The following CALCR variants were observed in gnomAD, a reference collection of about 807,000 sequenced individuals.
The protein encoded by CALCR is calcitonin receptor.
Under a neutral mutation model 59.5 loss-of-function variants are expected in CALCR, and 47 were observed. The ratio of observed to expected loss-of-function variants is 0.79; its 90% CI spans 0.63 to 1.01. The LOEUF is 1.01. Among genes scored for constraint, CALCR ranks in the 50% least tolerant of loss-of-function variants. The probability of loss-of-function intolerance (pLI) is 0.00; values close to 1 mark genes in which losing one functional copy is unlikely to be tolerated. For missense variants in CALCR, 566 were observed against 597.1 expected (o/e 0.95, Z 0.54); for synonymous variants, 213 against 211.3 (o/e 1.01, Z -0.07).
At chr7:93,427,757 T>C (rs989130359) in intron 13 of CALCR, among the ~76,000 whole-genome samples, 23 of 152,062 alleles carry the variant, frequency 1.5e-4, no homozygotes, top group Admixed American at 4.6e-4. Context: ...ACTTTTTTTT[T>C]CCTGTATCTA....
chr7:93,538,142 A>G (rs922238779), intron 2 of CALCR, among the ~76,000 whole-genome samples: 1 of 151,968 alleles, frequency 6.6e-6, no homozygotes, highest in Non-Finnish European at 1.5e-5. Context: ...CACACTCAAA[A>G]TACCTTAAAT....
chr7:93,472,764 T>C (rs969072144), intron 5 of CALCR, among the ~76,000 whole-genome samples: 6 of 149,372 alleles, frequency 4.0e-5, no homozygotes, highest in African/African-American at 1.0e-4. Flanking sequence ...GAGCTTGAGA[T>C]TGAACCAGGA....
chr7:93,573,368 G>A (rs1279814282), intron 2 of CALCR, among the ~76,000 whole-genome samples: 1 of 152,098 alleles, frequency 6.6e-6, no homozygotes, highest in Admixed American at 6.6e-5. Flanking sequence ...GACTTATTTT[G>A]AACATTTCAC....
chr7:93,553,450 A>T (rs141558835), intron 2 of CALCR, among the ~76,000 whole-genome samples: 3 of 152,172 alleles, frequency 2.0e-5, no homozygotes, highest in Non-Finnish European at 2.9e-5. Context: ...TACAAAATGC[A>T]TGCCATAGAA....
At chr7:93,497,599 A>T (rs1562997298) in intron 2 of CALCR, among the ~76,000 whole-genome samples, 1 of 151,574 alleles carries the variant, frequency 6.6e-6, no homozygotes, top group Non-Finnish European at 1.5e-5. Flanking sequence ...TGGTCTCTCC[A>T]ACCACCAAGC....
rs116948078 is a variant in CALCR at position 93,444,366 on chromosome 7, C to T, written c.649-609G>A. On this transcript the variant is annotated intron_variant, in intron 8 of 13. Coordinates refer to ENST00000426151, the MANE Select transcript of CALCR (RefSeq NM_001742.4). ...ATCCTTGCTGAGAACTCAATGCAGACGTAGGAGCCACACCCTTGGAAGAGT... is the reference window on the plus strand; with the variant it reads ...ATCCTTGCTGAGAACTCAATGCAGATGTAGGAGCCACACCCTTGGAAGAGT... 6.8e-3 allele frequency among the ~76,000 whole-genome samples: 1,041 copies of T among 152,134 alleles called. 67 individuals carry two copies. In the East Asian group the frequency reaches 0.15, roughly 22 times the overall value.
intron 2 of CALCR, among the ~76,000 whole-genome samples, chr7:93,551,576 G>T (rs1221927430): frequency 6.6e-6 from 1 of 152,136 alleles, no homozygotes; most frequent in African/African-American, 2.4e-5. Flanking sequence ...GGTCAAAAGT[G>T]ACAGGAAAAG....
chr7:93,458,102 C>T (rs1171168864), intron 8 of CALCR, among the ~76,000 whole-genome samples: 1 of 152,134 alleles, frequency 6.6e-6, no homozygotes, highest in Admixed American at 6.6e-5. Flanking sequence ...TCAAGATAAA[C>T]ACACTTGGTC....
intron 3 of CALCR, chr7:93,482,872 T>C (rs372327465): frequency 2.4e-5 from 13 of 532,894 alleles, no homozygotes; most frequent in Non-Finnish European, 4.6e-5. Flanking sequence ...GAACCTCTGT[T>C]GTCAGATGAG....
At position 93,562,869 on chromosome 7, in the gene CALCR, T is replaced by C. The variant is rs180691857; in HGVS notation, c.-27+11420A>G. ...ATTCTTTCTTTTATTATTTTTAAAA[T>C]GAGCTGGAGCAATGAAAGGGAAAAA... is the stretch of plus-strand genomic sequence containing the variant. On this transcript the variant is annotated intron_variant, in intron 2 of 13. Coordinates refer to ENST00000426151, the MANE Select transcript of CALCR (RefSeq NM_001742.4). Among the ~76,000 whole-genome samples the C allele has an allele frequency of 2.8e-3, 428 of 152,276 alleles. 1 individual carries two copies. Among genetic ancestry groups the C allele is most frequent in the African/African-American group, 9.8e-3 (409 of 41,558 alleles).
chr7:93,523,697 C>A (rs2116099856), intron 2 of CALCR, among the ~76,000 whole-genome samples: 1 of 152,204 alleles, frequency 6.6e-6, no homozygotes, highest in African/African-American at 2.4e-5. Context: ...AGCCAAACAT[C>A]ACCTTGGATT....
Position 93,424,611 on chromosome 7 carries a change from G to C in CALCR, c.*1745C>G, listed in dbSNP as rs1042139. 1.3e-5 allele frequency: 2 copies of C among 152,584 alleles called. No individual in the cohort carries two copies. The highest frequency in any genetic ancestry group is 4.8e-5 in the African/African-American group (2 of 41,430). The allele number at this position is 152,584 out of a possible 1,614,324, so 9.5% of individuals were successfully genotyped here. On this transcript the variant is annotated 3_prime_UTR_variant, in exon 14 of 14. Transcript: ENST00000426151. Reference sequence around the variant, plus strand: ...ATAAGCATTTCACATAATTTGGGCAGAACTATGTGCAATTCTATAATAAGC... The same window carrying C: ...ATAAGCATTTCACATAATTTGGGCACAACTATGTGCAATTCTATAATAAGC...
intron 2 of CALCR, among the ~76,000 whole-genome samples, chr7:93,548,342 G>C (rs980718520): frequency 2.6e-5 from 4 of 152,140 alleles, no homozygotes; most frequent in African/African-American, 9.7e-5. Flanking sequence ...ACAAAGCTTT[G>C]TGCAAGTCTG....
At chr7:93,501,383 G>A (rs756846490) in intron 2 of CALCR, among the ~76,000 whole-genome samples, 3 of 151,974 alleles carry the variant, frequency 2.0e-5, no homozygotes, top group Non-Finnish European at 2.9e-5. Flanking sequence ...ACAAATTTAT[G>A]AGGTACAATG....
chr7:93,428,656 C>G (rs901375179), intron 13 of CALCR, among the ~76,000 whole-genome samples: 1 of 151,636 alleles, frequency 6.6e-6, no homozygotes, highest in Non-Finnish European at 1.5e-5. Context: ...AAGAATTAGC[C>G]GGCGCCTGTA....
chr7:93,454,092 C>G (rs1420431707), intron 8 of CALCR, among the ~76,000 whole-genome samples: 1 of 151,784 alleles, frequency 6.6e-6, no homozygotes, highest in Non-Finnish European at 1.5e-5. Context: ...TACCATTGAC[C>G]TCTCATCTCA....
intron 2 of CALCR, chr7:93,496,107 G>A (rs576929782): frequency 1.6e-5 from 9 of 556,322 alleles, no homozygotes; most frequent in Non-Finnish European, 2.8e-5. Flanking sequence ...AGTACAAAAT[G>A]TCAATGTCTG....
intron 2 of CALCR, among the ~76,000 whole-genome samples, chr7:93,554,950 A>G (rs1299587541): frequency 2.0e-5 from 3 of 151,834 alleles, no homozygotes; most frequent in African/African-American, 7.3e-5. Flanking sequence ...AAACTGAAGC[A>G]TGAGAAAATT....
intron 2 of CALCR, among the ~76,000 whole-genome samples, chr7:93,534,409 G>A (rs1161511710): frequency 6.6e-6 from 1 of 151,696 alleles, no homozygotes; most frequent in Non-Finnish European, 1.5e-5. Context: ...ACACAATGCT[G>A]CCTCTTAAGA....
Sources: gnomAD v4.1 joint callset for allele counts (sites outside exome capture counted in the v4.1 genomes callset) on GRCh38, gnomAD v4.1.1 for gene constraint, MANE v1.5 for transcripts, NCBI Gene and HGNC (gene_info 2026-07-23, HGNC 2026-07-21) for gene names.